Variants in SLC39A12 observed in about 807,000 individuals in gnomAD.
The protein encoded by SLC39A12 is solute carrier family 39 member 12.
SLC39A12 carries 63 observed loss-of-function variants against 71.1 expected under a neutral mutation model. The ratio of observed to expected loss-of-function variants is 0.89; its 90% CI spans 0.72 to 1.09. The LOEUF (loss-of-function observed/expected upper bound fraction) is 1.09. SLC39A12 is among the 50% of genes least tolerant of loss of function. The pLI is 0.00. For missense variants in SLC39A12, 892 were observed against 812.6 expected, an observed-to-expected ratio of 1.10 and a Z score of -1.19; for synonymous variants, 351 against 301.3, an observed-to-expected ratio of 1.16 and a Z score of -1.71.
At chr10:17,984,805 A>C (rs979333088) in intron 6 of SLC39A12, among the ~76,000 whole-genome samples, 1 of 152,244 alleles carries the variant, frequency 6.6e-6, no homozygotes, top group Non-Finnish European at 1.5e-5. Flanking sequence ...TGCAAAACTA[A>C]AACTCTATAC....
intron 7 of SLC39A12, among the ~76,000 whole-genome samples, chr10:17,990,035 G>A (rs1037784786): frequency 6.6e-6 from 1 of 152,198 alleles, no homozygotes; most frequent in Non-Finnish European, 1.5e-5. Context: ...GCACAGAAGT[G>A]AGAAAAATGT....
chr10:18,010,348 G>A (rs573213041), intron 12 of SLC39A12, among the ~76,000 whole-genome samples: 3 of 152,264 alleles, frequency 2.0e-5, no homozygotes, highest in Non-Finnish European at 4.4e-5. Context: ...CTTGATATAC[G>A]TATTTGTTTT....
intron 3 of SLC39A12, among the ~76,000 whole-genome samples, chr10:17,963,076 G>A (rs1834732152): frequency 6.6e-6 from 1 of 152,058 alleles, no homozygotes; most frequent in Admixed American, 6.6e-5. Context: ...TGGGAGGATG[G>A]CTTGTGCCCA....
intron 12 of SLC39A12, among the ~76,000 whole-genome samples, chr10:18,006,028 GA>G (rs1314746471): frequency 2.0e-5 from 3 of 152,142 alleles, no homozygotes; most frequent in East Asian, 1.9e-4. Context: ...TTAAAGGGAA[GA>G]AAACAAGGTT....
rs889116367 is a variant in SLC39A12 at position 17,996,030 on chromosome 10, T to C, written c.1600+308T>C. Reference sequence around the variant, plus strand: ...GTTTATCATAGCTCATTTCTAAACATATTTGTGTGATGATTGAGGCTTTTA... The same window carrying C: ...GTTTATCATAGCTCATTTCTAAACACATTTGTGTGATGATTGAGGCTTTTA... On this transcript the variant is annotated intron_variant, in intron 10 of 12. Coordinates refer to ENST00000377369, the MANE Select transcript of SLC39A12 (RefSeq NM_001145195.2). Among the ~76,000 whole-genome samples, 13 of 152,192 alleles carry C rather than the reference T, an allele frequency of 8.5e-5. No homozygotes were observed. The East Asian group carries it at 2.1e-3, about 25-fold the overall frequency.
intron 12 of SLC39A12, among the ~76,000 whole-genome samples, chr10:18,034,370 T>G (rs1836936583): frequency 6.6e-6 from 1 of 152,180 alleles, no homozygotes; most frequent in African/African-American, 2.4e-5. Flanking sequence ...GATAGTTAGC[T>G]CTTCTTGTTT....
chr10:18,009,618 G>T (rs956567034), intron 12 of SLC39A12: 3 of 152,356 alleles, frequency 2.0e-5, no homozygotes, highest in Non-Finnish European at 4.4e-5. Context: ...GCAGGGGATT[G>T]GGGGGAGCAG....
At chr10:18,042,652 C>A in intron 12 of SLC39A12, 53 bp from the exon 13 acceptor site, 7 of 1,531,668 alleles carry the variant, frequency 4.6e-6, no homozygotes, top group Admixed American at 2.1e-5. Context: ...CCAAGCTTTT[C>A]CCAGCAGTTG....
rs769322247 is a variant in SLC39A12 at position 18,003,265 on chromosome 10, C to T, written c.1854C>T (p.Tyr618=). 1 of 1,614,056 alleles carries T rather than the reference C, an allele frequency of 6.2e-7. No individual in the cohort carries two copies. The highest frequency in any genetic ancestry group is 8.5e-7 in the Non-Finnish European group (1 of 1,179,970). The part of the protein sequence containing the change: ...ISSLTAFMGL[Y]IGLSVSADPC... ...CCCTAACTGCCTTCATGGGATTATA[C>T]ATTGGCCTTTCCGTGTCAGCTGATC... Residue 618 remains tyrosine (Y), a synonymous_variant, in exon 12 of 13, where the codon TAC becomes TAT. Transcript: ENST00000377369.
chr10:17,981,365 A>T lies in SLC39A12; in HGVS notation c.978A>T (p.Ser326=), dbSNP rs1835252440. 1 of 1,613,396 alleles carries T rather than the reference A, an allele frequency of 6.2e-7. No homozygotes were observed. The highest frequency in any genetic ancestry group is 8.5e-7 in the Non-Finnish European group (1 of 1,179,614). The change falls in exon 6 of 13, where the codon TCA becomes TCT. Residue 326 remains serine, a synonymous_variant. Coordinates refer to ENST00000377369, the MANE Select transcript of SLC39A12 (RefSeq NM_001145195.2). ...LVEIFLQKGL[S]LISKEDFKQM... is the part of the protein sequence containing the mutation. ...AGATATTTCTACAGAAGGGCCTCTC[A>T]CTCATTTCTAAGGAGGACTTTAAGC...
Position 17,977,890 on chromosome 10 carries a change from T to A in SLC39A12, c.752-12T>A, listed in dbSNP as rs1835150398. On this transcript the variant is annotated splice_polypyrimidine_tract_variant and intron_variant, in intron 4 of 12. Transcript: ENST00000377369. ...ATTCTATGTGACACCAGATTTTATA[T>A]GAAATTTCTAGAACTAGACCAACTC... 9 of 1,560,698 alleles carry A rather than the reference T, an allele frequency of 5.8e-6. No individual in the cohort carries two copies. The highest frequency in any genetic ancestry group is 2.0e-5 in the Admixed American group (1 of 49,210).
chr10:17,971,464 TG>T (rs1834973530), intron 4 of SLC39A12, among the ~76,000 whole-genome samples: 1 of 151,984 alleles, frequency 6.6e-6, no homozygotes, highest in African/African-American at 2.4e-5. Context: ...CACTGTGTCC[TG>T]GGCTTTTCTT....
chr10:17,985,605 T>G (rs1202235493), intron 6 of SLC39A12, among the ~76,000 whole-genome samples: 2 of 152,166 alleles, frequency 1.3e-5, no homozygotes, highest in Non-Finnish European at 2.9e-5. Context: ...TTGCCATCAC[T>G]TGTTAGTAAT....
Position 18,036,788 on chromosome 10 carries a change from A to ATT in SLC39A12, c.1948-5916_1948-5915insTT, listed in dbSNP as rs1319675306. ...TATATATATATATATATATATATAT[A>ATT]TATATATTTTTTTTTTTAATGGAAT... On this transcript the variant is annotated intron_variant, in intron 12 of 12. Transcript: ENST00000377369. 2.1e-3 allele frequency among the ~76,000 whole-genome samples: 36 copies of ATT among 17,010 alleles called. 1 individual carries two copies. The highest frequency in any genetic ancestry group is 0.013 in the South Asian group (7 of 538). The allele number at this position is 17,010 out of a possible 152,430, so 11.2% of individuals were successfully genotyped here.
intron 8 of SLC39A12, among the ~76,000 whole-genome samples, chr10:17,992,832 C>T (rs1589235960): frequency 6.6e-6 from 1 of 152,154 alleles, no homozygotes; most frequent in East Asian, 1.9e-4. Flanking sequence ...AAATGCTTTA[C>T]TTGATGAATA....
chr10:18,000,930 T>A (rs1395291825), intron 11 of SLC39A12, 105 bp downstream of exon 11: 3 of 1,066,698 alleles, frequency 2.8e-6, no homozygotes, highest in Non-Finnish European at 4.0e-6. Context: ...GACTTAAAGA[T>A]GAATACTTTC....
chr10:17,974,067 A>G (rs1208673546), intron 4 of SLC39A12, among the ~76,000 whole-genome samples: 2 of 151,222 alleles, frequency 1.3e-5, no homozygotes, highest in Non-Finnish European at 3.0e-5. Context: ...TTATTTTTAA[A>G]TTATTTAATA....
chr10:18,012,273 C>A (rs1296536389), intron 12 of SLC39A12, among the ~76,000 whole-genome samples: 2 of 152,056 alleles, frequency 1.3e-5, no homozygotes, highest in African/African-American at 2.4e-5. Context: ...ATAGCCATAA[C>A]CAAACTTTTA....
chr10:17,960,825 C>A, intron 2 of SLC39A12, among the ~76,000 whole-genome samples: 1 of 151,898 alleles, frequency 6.6e-6, no homozygotes, highest in African/African-American at 2.4e-5. Flanking sequence ...AGACTTTGTT[C>A]AAGAAGAAAA....
Sources: gnomAD v4.1 joint callset for allele counts (sites outside exome capture counted in the v4.1 genomes callset) on GRCh38, gnomAD v4.1.1 for gene constraint, MANE v1.5 for transcripts, NCBI Gene and HGNC (gene_info 2026-07-23, HGNC 2026-07-21) for gene names.